Variants in CPO observed in about 807,000 individuals in gnomAD.
The protein encoded by CPO is metallocarboxypeptidase C.
In CPO, 43 loss-of-function variants were observed where a neutral mutation model predicts 41.2. That is an observed-to-expected ratio of 1.04 (90% confidence interval 0.82 to 1.35). The LOEUF is 1.35. CPO is among the 40% of genes most tolerant of loss of function. CPO has a pLI of 0.00. For synonymous variants in CPO, 178 were observed against 162.7 expected, an observed-to-expected ratio of 1.09 and a Z score of -0.72; for missense variants, 408 against 451.7, an observed-to-expected ratio of 0.90 and a Z score of 0.88.
intron 4 of CPO, among the ~76,000 whole-genome samples, chr2:206,958,628 G>A (rs1693417717): frequency 6.6e-6 from 1 of 151,034 alleles, no homozygotes; most frequent in African/African-American, 2.4e-5. Flanking sequence ...TTATTGGAGG[G>A]TAAACATATC....
In CPO at chr2:206,968,281, G is replaced by A; in HGVS notation, c.796G>A (p.Ala266Thr). ...CCTACAGATTCAAGTTGGACAGAAG[G>A]CAGCAAATGCATTGAAAGCAAAGTA... ...HPEMIQVGQKAANALKAKYGT... is the reference protein window; with the variant it reads ...HPEMIQVGQKTANALKAKYGT... The change falls in exon 8 of 9, where the codon GCA becomes ACA. Residue 266 changes from alanine (A) to threonine (T), a missense_variant. Transcript: ENST00000272852. 1.2e-6 allele frequency: 2 copies of A among 1,610,512 alleles called. No homozygotes were observed. The highest frequency in any genetic ancestry group is 1.1e-5 in the South Asian group (1 of 91,002).
chr2:206,942,104 A>G (rs1028459047), intron 1 of CPO, among the ~76,000 whole-genome samples: 3 of 152,184 alleles, frequency 2.0e-5, no homozygotes, highest in Non-Finnish European at 2.9e-5. Context: ...AAATATTTAA[A>G]TAAATGATAC....
intron 1 of CPO, 42 bp from the exon 2 acceptor site, chr2:206,949,575 A>G (rs563424900): frequency 7.0e-7 from 1 of 1,433,434 alleles, no homozygotes; most frequent in East Asian, 2.3e-5. Flanking sequence ...AGGATATCCC[A>G]GTTTCACCAC....
Position 206,959,700 on chromosome 2 carries a change from C to A in CPO, c.442C>A (p.Pro148Thr). The stretch of plus-strand genomic sequence containing the variant: ...TAGGAACCTGGACTTCTATGTCCTT[C>A]CAGTTCTTAACATAGATGGTTATAT... ...LLRNLDFYVL[P>T]VLNIDGYIYT... The change falls in exon 5 of 9, where the codon CCA (proline) becomes ACA (threonine). Residue 148 changes from proline (P) to threonine (T), a missense_variant. By Grantham distance (38) the Pro-to-Thr change is conservative. Transcript: ENST00000272852. 6.3e-7 allele frequency: 1 copy of A among 1,576,370 alleles called. No homozygotes were observed. Among genetic ancestry groups the A allele is most frequent in the South Asian group, 1.1e-5 (1 of 90,282 alleles).
chr2:206,961,272 T>C (rs369726044), intron 6 of CPO, among the ~76,000 whole-genome samples: 4 of 152,342 alleles, frequency 2.6e-5, no homozygotes, highest in African/African-American at 9.6e-5. Flanking sequence ...CCTTGCAGAT[T>C]ATTTCATAGC....
At chr2:206,941,238 G>A (rs1336067278) in intron 1 of CPO, among the ~76,000 whole-genome samples, 1 of 151,934 alleles carries the variant, frequency 6.6e-6, no homozygotes, top group Admixed American at 6.6e-5. Flanking sequence ...GAATGTCTAT[G>A]TTAGGTTATG....
intron 1 of CPO, among the ~76,000 whole-genome samples, chr2:206,948,253 G>A (rs373415686): frequency 6.6e-6 from 1 of 152,134 alleles, no homozygotes; most frequent in East Asian, 1.9e-4. Context: ...TGCTAATAAA[G>A]AAATTAGCTT....
chr2:206,952,022 T>C (rs1693274429), intron 2 of CPO, among the ~76,000 whole-genome samples: 1 of 152,252 alleles, frequency 6.6e-6, no homozygotes, highest in Non-Finnish European at 1.5e-5. Flanking sequence ...GTATTACTAC[T>C]GTTATAATAC....
At chr2:206,968,987 A>T (rs529100390) in intron 8 of CPO, among the ~76,000 whole-genome samples, 187 bp from the exon 9 acceptor site, 6 of 152,332 alleles carry the variant, frequency 3.9e-5, no homozygotes, top group African/African-American at 1.2e-4. Context: ...GAGATACTGA[A>T]TAAGACGTGG....
Position 206,969,277 on chromosome 2 carries a change from A to G in CPO, c.966A>G (p.Pro322=), listed in dbSNP as rs1208482398. ...RDSGTYGFVL[P]EAQIQPTCEE... ...GTGGAACATATGGGTTTGTTCTGCC[A>G]GAAGCTCAGATCCAGCCCACCTGTG... The change falls in exon 9 of 9, where the codon CCA becomes CCG. Residue 322 remains proline (P), a synonymous_variant. Coordinates refer to ENST00000272852, the MANE Select transcript of CPO (RefSeq NM_173077.3). 4 of 1,614,158 alleles carry G rather than the reference A, an allele frequency of 2.5e-6. No individual in the cohort carries two copies. In the Admixed American group the frequency reaches 5.0e-5, roughly 20 times the overall value.
chr2:206,952,174 G>GT (rs1181380536), intron 2 of CPO, among the ~76,000 whole-genome samples: 2 of 151,668 alleles, frequency 1.3e-5, no homozygotes, highest in East Asian at 3.9e-4. Flanking sequence ...GAGTGCAGTG[G>GT]GCAATCTTGG....
At chr2:206,943,718 GATGGATAGATGATAGATAGATA>G (rs1693079010) in intron 1 of CPO, among the ~76,000 whole-genome samples, 1 of 63,052 alleles carries the variant, frequency 1.6e-5, no homozygotes, top group Admixed American at 1.4e-4. Flanking sequence ...ATAGATAGAT[GATGGATAGATGATAGATAGATA>G]GATAGATAGA....
rs750384620 is a variant in CPO, at chr2:206,968,348, G to T, written c.862+1G>T. 3.2e-6 allele frequency: 5 copies of T among 1,578,756 alleles called. No homozygotes were observed. Among genetic ancestry groups the T allele is most frequent in the East Asian group, 2.2e-5 (1 of 44,660 alleles). On this transcript the variant is annotated splice_donor_variant, in intron 8 of 8. Coordinates refer to ENST00000272852, the MANE Select transcript of CPO (RefSeq NM_173077.3). LOFTEE classifies it high-confidence loss of function. ...GTTGGATCGAGTGCAGATATTTTAT[G>T]TAAGTATCTTTTTTTGCCTCTTCAA...
chr2:206,969,068 G>A lies in CPO; in HGVS notation c.863-106G>A, dbSNP rs1047887674. ...CTATTTCTGAGACCCTGATCTAAAA[G>A]AGCTTCTTTATTTTACTAAGTGAAC... On this transcript the variant is annotated intron_variant, in intron 8 of 8. Transcript: ENST00000272852. The A allele has an allele frequency of 2.7e-5, 32 of 1,171,880 alleles. No individual in the cohort carries two copies. In the African/African-American group the frequency reaches 4.4e-4, roughly 16 times the overall value. The allele number at this position is 1,171,880 out of a possible 1,614,324, so 72.6% of individuals were successfully genotyped here.
At chr2:206,942,124 T>C (rs1262634000) in intron 1 of CPO, among the ~76,000 whole-genome samples, 1 of 152,156 alleles carries the variant, frequency 6.6e-6, no homozygotes, top group African/African-American at 2.4e-5. Flanking sequence ...CTATGTAACA[T>C]ATACTTACTG....
At chr2:206,965,507 A>G (rs1451823770) in intron 7 of CPO, among the ~76,000 whole-genome samples, 1 of 152,226 alleles carries the variant, frequency 6.6e-6, no homozygotes, top group Non-Finnish European at 1.5e-5. Flanking sequence ...GGAGAAACAT[A>G]ACTATATATA....
rs746401804 is a variant in CPO at position 206,969,346 on chromosome 2, T to C, written c.1035T>C (p.Tyr345=). 27 of 1,614,026 alleles carry C rather than the reference T, an allele frequency of 1.7e-5. No homozygotes were observed. The highest frequency in any genetic ancestry group is 2.3e-5 in the Non-Finnish European group (27 of 1,179,994). The part of the protein sequence containing the change: ...EAVLSVLDDV[Y]AKHWHSDSAG... ...TGCTGTCAGTCCTGGATGATGTGTA[T>C]GCGAAACACTGGCACTCGGACAGTG... The change falls in exon 9 of 9, where the codon TAT becomes TAC. Residue 345 remains tyrosine, a synonymous_variant. Coordinates refer to ENST00000272852, the MANE Select transcript of CPO (RefSeq NM_173077.3).
intron 1 of CPO, among the ~76,000 whole-genome samples, chr2:206,948,854 C>T (rs62196050): frequency 0.19 from 29,611 of 151,998 alleles, 2,918 homozygotes; most frequent in Middle Eastern, 0.31. Flanking sequence ...GAAGAGTGAG[C>T]CCTAATATAA....
At chr2:206,963,462 C>A (rs1489465968) in intron 7 of CPO, among the ~76,000 whole-genome samples, 1 of 152,144 alleles carries the variant, frequency 6.6e-6, no homozygotes, top group Non-Finnish European at 1.5e-5. Context: ...ACTTCTTCAT[C>A]TTGCATAATT....
Sources: allele counts gnomAD v4.1 joint callset (sites outside exome capture counted in the v4.1 genomes callset), GRCh38; gene constraint gnomAD v4.1.1; transcripts MANE v1.5; gene names NCBI Gene and HGNC (gene_info 2026-07-23, HGNC 2026-07-21).